Variants in PPP6R3 observed in about 807,000 individuals in gnomAD.
PPP6R3 encodes the protein serine/threonine-protein phosphatase 6 regulatory subunit 3.
PPP6R3 carries 38 observed loss-of-function variants against 110.7 expected under a neutral mutation model. That is an observed-to-expected ratio of 0.34 (90% CI 0.26 to 0.45). PPP6R3 has a LOEUF of 0.45. Among genes scored for constraint, PPP6R3 ranks in the 20% least tolerant of loss-of-function variants. The pLI is 1.00. For missense variants in PPP6R3, 870 were observed against 1,062.4 expected, an observed-to-expected ratio of 0.82 and a Z score of 2.52; for synonymous variants, 369 against 373.5, an observed-to-expected ratio of 0.99 and a Z score of 0.14.
chr11:68,601,769 A>G, intron 20 of PPP6R3, 94 bp from the exon 21 acceptor site: 1 of 1,019,294 alleles, frequency 9.8e-7, no homozygotes, highest in Non-Finnish European at 1.5e-6. Context: ...AATGTCTCCT[A>G]ACAAAAACTT....
intron 1 of PPP6R3, among the ~76,000 whole-genome samples, chr11:68,493,717 C>T (rs1192951198): frequency 2.0e-5 from 3 of 151,000 alleles, no homozygotes; most frequent in African/African-American, 7.3e-5. Context: ...CCAGACCTCC[C>T]AAAGTACTGG....
chr11:68,524,683 C>T (rs991236763), intron 2 of PPP6R3, among the ~76,000 whole-genome samples: 2 of 152,132 alleles, frequency 1.3e-5, no homozygotes, highest in African/African-American at 4.8e-5. Context: ...ACTTTATATT[C>T]ATTCATGTTA....
At chr11:68,554,079 C>A in intron 6 of PPP6R3, 66 bp from the exon 7 acceptor site, 1 of 1,230,534 alleles carries the variant, frequency 8.1e-7, no homozygotes, top group Non-Finnish European at 1.1e-6. Context: ...CTTTCCCTTT[C>A]ATTTTTAAAT....
chr11:68,590,986 A>T (rs1238948182), intron 17 of PPP6R3, among the ~76,000 whole-genome samples: 1 of 152,184 alleles, frequency 6.6e-6, no homozygotes, highest in East Asian at 1.9e-4. Flanking sequence ...CTGCAGTTTG[A>T]CACCAACCCA....
intron 10 of PPP6R3, among the ~76,000 whole-genome samples, chr11:68,568,940 A>G (rs764270334): frequency 6.6e-6 from 1 of 151,734 alleles, no homozygotes; most frequent in Non-Finnish European, 1.5e-5. Flanking sequence ...ATTTTTTTGT[A>G]TTTTTAGTAG....
chr11:68,571,220 A>T, intron 12 of PPP6R3, 116 bp downstream of exon 12: 1 of 1,302,478 alleles, frequency 7.7e-7, no homozygotes, highest in Non-Finnish European at 1.0e-6. Context: ...TGGCCATTTT[A>T]CAATTTAAAC....
At chr11:68,487,005 G>A (rs1176013841) in intron 1 of PPP6R3, among the ~76,000 whole-genome samples, 1 of 152,058 alleles carries the variant, frequency 6.6e-6, no homozygotes, top group Admixed American at 6.6e-5. Context: ...GAGTTGCGCT[G>A]ATTTTATTGT....
rs538520621 is a variant in PPP6R3, at chr11:68,524,699, A to T, written c.-7+5048A>T. On this transcript the variant is annotated intron_variant, in intron 2 of 23. Transcript: ENST00000393800. ...CTTTATATTCATTCATGTTAAATAA[A>T]TTTTTCTTGTTTCGTTGTGTCAAAC... is the stretch of plus-strand genomic sequence containing the variant. Among the ~76,000 whole-genome samples, 3 of 151,962 alleles carry T rather than the reference A, an allele frequency of 2.0e-5. No individual in the cohort carries two copies. In the East Asian group the frequency reaches 5.8e-4, roughly 29 times the overall value.
chr11:68,484,727 A>G (rs2098935628), intron 1 of PPP6R3, among the ~76,000 whole-genome samples: 1 of 152,060 alleles, frequency 6.6e-6, no homozygotes, highest in Non-Finnish European at 1.5e-5. Context: ...AGCTGAGATT[A>G]CAGGTGCCCG....
chr11:68,505,120 T>C (rs1258388466), intron 1 of PPP6R3: 3 of 152,214 alleles, frequency 2.0e-5, no homozygotes, highest in Admixed American at 6.5e-5. Context: ...TAAGTAATCA[T>C]TTAGTCTAAA....
Position 68,613,485 on chromosome 11 carries a change from T to G in PPP6R3, c.*368T>G. On this transcript the variant is annotated 3_prime_UTR_variant, in exon 24 of 24. Coordinates refer to ENST00000393800, the MANE Select transcript of PPP6R3 (RefSeq NM_001164161.2). ...AGATCTATTGTATTTGAAACATAAC[T>G]TTGACAATTATTAGTGTGACCAAAG... 1 of 996,208 alleles carries G rather than the reference T, an allele frequency of 1.0e-6. No individual in the cohort carries two copies. 61.7% of individuals were successfully genotyped at this position (996,208 alleles called of 1,614,324 possible).
intron 1 of PPP6R3, among the ~76,000 whole-genome samples, chr11:68,496,546 C>T (rs1047444381): frequency 8.6e-5 from 13 of 151,956 alleles, no homozygotes; most frequent in African/African-American, 2.4e-4. Flanking sequence ...AATCTCAGCT[C>T]GCTGCAACCT....
At chr11:68,604,587 G>T (rs1463582563) in intron 22 of PPP6R3, among the ~76,000 whole-genome samples, 1 of 152,194 alleles carries the variant, frequency 6.6e-6, no homozygotes, top group South Asian at 2.1e-4. Flanking sequence ...AATAGTCGCT[G>T]TTGATAGGCT....
intron 14 of PPP6R3, among the ~76,000 whole-genome samples, chr11:68,582,682 G>T (rs1002959168): frequency 6.6e-6 from 1 of 152,202 alleles, no homozygotes; most frequent in African/African-American, 2.4e-5. Flanking sequence ...ACATAGAAAG[G>T]GTTTCTGTGT....
At chr11:68,584,985 C>G (rs1226289068) in intron 15 of PPP6R3, among the ~76,000 whole-genome samples, 1 of 152,168 alleles carries the variant, frequency 6.6e-6, no homozygotes, top group East Asian at 1.9e-4. Flanking sequence ...CCATTAAGAT[C>G]AGAATATTAG....
chr11:68,547,998 G>C, intron 4 of PPP6R3, 69 bp from the exon 5 acceptor site: 1 of 1,478,388 alleles, frequency 6.8e-7, no homozygotes, highest in Non-Finnish European at 9.1e-7. Flanking sequence ...GTCGGGGTTG[G>C]GACTTAAAAG....
At chr11:68,505,154 C>G (rs1236528707) in intron 1 of PPP6R3, 1 of 152,098 alleles carries the variant, frequency 6.6e-6, no homozygotes, top group South Asian at 2.1e-4. Flanking sequence ...GATAAGAAAA[C>G]AAGCTCAGAG....
intron 6 of PPP6R3, among the ~76,000 whole-genome samples, chr11:68,553,747 G>A (rs2153705098): frequency 6.6e-6 from 1 of 152,242 alleles, no homozygotes; most frequent in East Asian, 1.9e-4. Flanking sequence ...TGGAATACCT[G>A]TATTTGCATT....
intron 1 of PPP6R3, among the ~76,000 whole-genome samples, chr11:68,463,995 A>T (rs1023755190): frequency 3.3e-5 from 5 of 152,200 alleles, no homozygotes; most frequent in African/African-American, 9.7e-5. Context: ...CCAAATAGCA[A>T]CACTGCTGAG....
Sources: allele counts gnomAD v4.1 joint callset (sites outside exome capture counted in the v4.1 genomes callset), GRCh38; gene constraint gnomAD v4.1.1; transcripts MANE v1.5; gene names NCBI Gene and HGNC (gene_info 2026-07-23, HGNC 2026-07-21).